CDON: variants seen among roughly 807,000 people sequenced by gnomAD.
The protein encoded by CDON is cell adhesion associated, oncogene regulated, also known as cell adhesion molecule-related/down-regulated by oncogenes.
In CDON, 73 loss-of-function variants were observed where a neutral mutation model predicts 120.9. That is an observed-to-expected ratio of 0.60 (90% CI 0.50 to 0.73). The LOEUF is 0.73. CDON is among the 30% of genes least tolerant of loss of function. The probability of loss-of-function intolerance (pLI) is 0.00; values close to 1 mark genes in which losing one functional copy is unlikely to be tolerated. For missense variants in CDON, 1,470 were observed against 1,587.3 expected, an observed-to-expected ratio of 0.93 and a Z score of 1.26; for synonymous variants, 566 against 573.5, an observed-to-expected ratio of 0.99 and a Z score of 0.19.
At chr11:125,968,013 C>G (rs372777560) in intron 18 of CDON, among the ~76,000 whole-genome samples, 1 of 152,068 alleles carries the variant, frequency 6.6e-6, no homozygotes, top group South Asian at 2.1e-4. Flanking sequence ...TGGGCCACCA[C>G]GCCTGGCTAA....
chr11:126,041,311 A>G (rs1178550813), intron 1 of CDON, among the ~76,000 whole-genome samples: 1 of 152,180 alleles, frequency 6.6e-6, no homozygotes, highest in Non-Finnish European at 1.5e-5. Flanking sequence ...AATAGAAATG[A>G]CTTGGTGGGC....
intron 18 of CDON, among the ~76,000 whole-genome samples, chr11:125,973,175 C>T (rs1193235936): frequency 6.6e-6 from 1 of 152,074 alleles, no homozygotes; most frequent in Non-Finnish European, 1.5e-5. Context: ...TCTAACTGGT[C>T]TCCAGGTATC....
chr11:125,975,998 A>G (rs548506480), intron 18 of CDON, among the ~76,000 whole-genome samples: 1 of 152,188 alleles, frequency 6.6e-6, no homozygotes, highest in Non-Finnish European at 1.5e-5. Context: ...TTATGTTTAC[A>G]CTATTTCAGC....
intron 15 of CDON, among the ~76,000 whole-genome samples, chr11:125,986,277 T>C (rs963962971): frequency 6.6e-6 from 1 of 151,650 alleles, no homozygotes; most frequent in Non-Finnish European, 1.5e-5. Context: ...GCGGGGAACA[T>C]CACACACTGG....
At chr11:126,055,814 T>C (rs1285335819) in intron 1 of CDON, among the ~76,000 whole-genome samples, 2 of 152,216 alleles carry the variant, frequency 1.3e-5, no homozygotes, top group Non-Finnish European at 2.9e-5. Context: ...CTTAGAATAT[T>C]GAAAAAGTCC....
At chr11:126,021,606 G>T in intron 2 of CDON, 86 bp from the exon 3 acceptor site, 2 of 1,191,582 alleles carry the variant, frequency 1.7e-6, no homozygotes, top group Non-Finnish European at 2.4e-6. Flanking sequence ...CATTTCATCT[G>T]TATCTTTATA....
rs1157738332 is a variant in CDON at position 125,994,921 on chromosome 11, T to C, written c.2494A>G (p.Ile832Val). The C allele has an allele frequency of 3.1e-6, 5 of 1,614,122 alleles. No individual in the cohort carries two copies. The highest frequency in any genetic ancestry group is 1.1e-5 in the South Asian group (1 of 91,082). ...FSSRPITGPH[I>V]AYTEAVSDTQ... The stretch of plus-strand genomic sequence containing the variant: ...TCGCTGACAGCCTCTGTGTATGCAA[T>C]GTGAGGTCCAGTTATTGGACGGCTG... Residue 832 changes from isoleucine to valine, a missense_variant, in exon 13 of 20, where the codon ATT (isoleucine) becomes GTT (valine). Ile to Val is a conservative substitution (Grantham distance 29). Coordinates refer to ENST00000531738, the MANE Select transcript of CDON (RefSeq NM_001378964.1).
In CDON at chr11:126,006,017, A is replaced by C. The variant is rs1947117363; in HGVS notation, c.1593T>G (p.Leu531=). The part of the protein sequence containing the change: ...ETNTKAETVT[L]PDAAQNDDRS... ...TGTCATCATTCTGAGCAGCATCAGG[A>C]AGTGTGACTGTCTCTGCTTTTGTAT... The change falls in exon 9 of 20, where the codon CTT becomes CTG. Residue 531 remains leucine, a synonymous_variant. Coordinates refer to ENST00000531738, the MANE Select transcript of CDON (RefSeq NM_001378964.1). 2 of 1,614,122 alleles carry C rather than the reference A, an allele frequency of 1.2e-6. No individual in the cohort carries two copies. Among genetic ancestry groups the C allele is most frequent in the Non-Finnish European group, 1.7e-6 (2 of 1,180,010 alleles).
chr11:125,973,532 GAAAACA>G (rs576467169), intron 18 of CDON, among the ~76,000 whole-genome samples: 3 of 152,028 alleles, frequency 2.0e-5, no homozygotes, highest in African/African-American at 4.8e-5. Context: ...CTCCATCTCA[GAAAACA>G]AAAACAAAAA....
chr11:126,012,008 C>G (rs1355349733), intron 7 of CDON, among the ~76,000 whole-genome samples: 2 of 152,174 alleles, frequency 1.3e-5, no homozygotes, highest in Non-Finnish European at 2.9e-5. Context: ...AAATGTCTTT[C>G]TGAAAGTCTC....
At chr11:125,999,337 T>C (rs896990906) in intron 11 of CDON, among the ~76,000 whole-genome samples, 2 of 152,152 alleles carry the variant, frequency 1.3e-5, no homozygotes, top group Non-Finnish European at 2.9e-5. Flanking sequence ...AGAAATAGCA[T>C]GTGACTGTTA....
intron 8 of CDON, among the ~76,000 whole-genome samples, chr11:126,009,887 C>T (rs1006472133): frequency 7.9e-5 from 12 of 152,058 alleles, no homozygotes; most frequent in Non-Finnish European, 1.0e-4. Context: ...TATTATACAT[C>T]CCATTAGAAA....
chr11:126,025,353 A>G (rs1056101179), intron 1 of CDON, among the ~76,000 whole-genome samples: 3 of 152,216 alleles, frequency 2.0e-5, no homozygotes, highest in South Asian at 2.1e-4. Context: ...TATTGACAAG[A>G]CTGGTTTCAG....
rs757158753 is a variant in CDON at position 126,010,569 on chromosome 11, G to T, written c.1324C>A (p.His442Asn). ...PVPVIRWYDS[H>N]GLITSHPSQV... ...GATGGATGGCTGGTTATCAATCCAT[G>T]GCTGTCATACCAACGAATGACCGGA... Residue 442 changes from histidine (H) to asparagine (N), a missense_variant, in exon 8 of 20, where the codon CAT becomes AAT. By Grantham distance (68) the His-to-Asn change is moderately conservative. Coordinates refer to ENST00000531738, the MANE Select transcript of CDON (RefSeq NM_001378964.1). 3.7e-6 allele frequency: 6 copies of T among 1,614,086 alleles called. No homozygotes were observed. The East Asian group carries it at 1.1e-4, about 30-fold the overall frequency.
chr11:125,990,850 T>A (rs1392009071), intron 14 of CDON, among the ~76,000 whole-genome samples: 1 of 147,736 alleles, frequency 6.8e-6, no homozygotes, highest in African/African-American at 2.7e-5. Flanking sequence ...AAAATCTGCT[T>A]GTTTTAGGAT....
chr11:126,061,230 A>G (rs561670753), intron 1 of CDON, among the ~76,000 whole-genome samples: 49 of 152,322 alleles, frequency 3.2e-4, no homozygotes, highest in African/African-American at 1.2e-3. Context: ...ACAAAATGAA[A>G]CAGGTTTTCT....
At chr11:125,996,723 AG>A (rs1946797202) in intron 12 of CDON, among the ~76,000 whole-genome samples, 1 of 141,214 alleles carries the variant, frequency 7.1e-6, no homozygotes, top group Non-Finnish European at 1.5e-5. Flanking sequence ...AAAAAAAAAA[AG>A]GCTAAGAAAA....
chr11:126,049,897 T>A (rs1165569648), intron 1 of CDON, among the ~76,000 whole-genome samples: 1 of 152,134 alleles, frequency 6.6e-6, no homozygotes, highest in Non-Finnish European at 1.5e-5. Flanking sequence ...AACTAAAACA[T>A]CCTCCTCGTT....
intron 1 of CDON, among the ~76,000 whole-genome samples, chr11:126,042,486 C>T (rs1459408998): frequency 1.3e-5 from 2 of 152,170 alleles, no homozygotes; most frequent in Non-Finnish European, 2.9e-5. Flanking sequence ...CTGGATTGTG[C>T]AGAAACATAT....
Sources: allele counts gnomAD v4.1 joint callset (sites outside exome capture counted in the v4.1 genomes callset), GRCh38; gene constraint gnomAD v4.1.1; transcripts MANE v1.5; gene names NCBI Gene and HGNC (gene_info 2026-07-23, HGNC 2026-07-21).